DPP6: variants seen among roughly 807,000 people sequenced by gnomAD.
DPP6 encodes dipeptidyl peptidase like 6, also known as A-type potassium channel modulatory protein DPP6.
DPP6 carries 69 observed loss-of-function variants against 122.6 expected under a neutral mutation model. The ratio of observed to expected loss-of-function variants is 0.56; its 90% CI spans 0.46 to 0.69. The LOEUF (loss-of-function observed/expected upper bound fraction) is 0.69, where lower values mean the gene tolerates loss of function less well. DPP6 is among the 30% of genes least tolerant of loss of function. The pLI, the probability that DPP6 is intolerant of heterozygous loss-of-function variation, is 0.00. For synonymous variants in DPP6, 418 were observed against 433.1 expected, an observed-to-expected ratio of 0.97 and a Z score of 0.43; for missense variants, 928 against 1,116.9, an observed-to-expected ratio of 0.83 and a Z score of 2.41.
chr7:154,549,120 A>G lies in DPP6; in HGVS notation c.552+8494A>G, dbSNP rs547061834. ...AGTCTGTAGCACATGGAAAGGTGTC[A>G]ACCAAAATTAAAGCTACTGAAGCAG... On this transcript the variant is annotated intron_variant, in intron 4 of 25. Coordinates refer to ENST00000377770, the MANE Select transcript of DPP6 (RefSeq NM_130797.4). Among the ~76,000 whole-genome samples the G allele has an allele frequency of 5.3e-5, 8 of 152,314 alleles. No individual in the cohort carries two copies. The East Asian group carries it at 5.8e-4, about 11-fold the overall frequency.
At chr7:154,884,300 A>C (rs1374533272) in intron 21 of DPP6, 1 of 126,920 alleles carries the variant, frequency 7.9e-6, no homozygotes, top group Non-Finnish European at 1.6e-5. Flanking sequence ...ACATGATTAC[A>C]TACACCTACT....
intron 1 of DPP6, among the ~76,000 whole-genome samples, chr7:154,041,340 T>A (rs981931934): frequency 3.9e-5 from 6 of 152,204 alleles, no homozygotes; most frequent in African/African-American, 1.4e-4. Flanking sequence ...GAAGGCTTGA[T>A]GATTTTCTTT....
chr7:153,948,237 C>T (rs1297868397), intron 1 of DPP6, among the ~76,000 whole-genome samples: 2 of 152,116 alleles, frequency 1.3e-5, no homozygotes, highest in East Asian at 1.9e-4. Context: ...GGCCATATTG[C>T]TTTCTGTCAC....
chr7:154,198,286 C>T (rs1243281463), intron 1 of DPP6, among the ~76,000 whole-genome samples: 1 of 150,564 alleles, frequency 6.6e-6, no homozygotes, highest in Non-Finnish European at 1.5e-5. Flanking sequence ...AAGGGGCCCT[C>T]AGTGTAATTT....
intron 1 of DPP6, among the ~76,000 whole-genome samples, chr7:153,998,183 G>C (rs1441809998): frequency 2.0e-5 from 3 of 151,922 alleles, no homozygotes; most frequent in Non-Finnish European, 2.9e-5. Context: ...TCTCTAGATA[G>C]AAGGGAAAAA....
At chr7:154,410,558 T>C (rs768377468) in intron 1 of DPP6, among the ~76,000 whole-genome samples, 2 of 152,216 alleles carry the variant, frequency 1.3e-5, no homozygotes, top group Non-Finnish European at 2.9e-5. Flanking sequence ...GCAATACTTT[T>C]TTTCTACATT....
chr7:154,161,318 G>A (rs1219491529), intron 1 of DPP6, among the ~76,000 whole-genome samples: 1 of 152,180 alleles, frequency 6.6e-6, no homozygotes, highest in African/African-American at 2.4e-5. Flanking sequence ...CCAACATGGT[G>A]AAACCCTGTC....
Position 154,201,691 on chromosome 7 carries a change from A to G in DPP6, c.243+148628A>G, listed in dbSNP as rs114965226. ...GTAAGGTACAGCTGCAGATAGATCCATAGGAAACAGGGACTCCAAGAATAG... is the reference window on the plus strand; with the variant it reads ...GTAAGGTACAGCTGCAGATAGATCCGTAGGAAACAGGGACTCCAAGAATAG... On this transcript the variant is annotated intron_variant, in intron 1 of 25. Transcript: ENST00000377770. Among the ~76,000 whole-genome samples the G allele has an allele frequency of 3.3e-3, 503 of 152,262 alleles. 4 individuals carry two copies. The highest frequency in any genetic ancestry group is 0.011 in the African/African-American group (474 of 41,536).
Position 154,074,132 on chromosome 7 carries a change from T to TAGAGAG in DPP6, c.243+21070_243+21071insGAGAGA, listed in dbSNP as rs774836504. ...AGAGAGATATATATAGATATCTATA[T>TAGAGAG]ATATCTCTCTATATATGTATATAGA... On this transcript the variant is annotated intron_variant, in intron 1 of 25. Transcript: ENST00000377770. Among the ~76,000 whole-genome samples the TAGAGAG allele has an allele frequency of 8.4e-3, 988 of 117,818 alleles. 4 individuals are homozygous for TAGAGAG. The highest frequency in any genetic ancestry group is 0.012 in the East Asian group (45 of 3,810). 77.3% of individuals were successfully genotyped at this position (117,818 alleles called of 152,430 possible).
At chr7:154,502,442 G>A (rs2151415085) in intron 3 of DPP6, among the ~76,000 whole-genome samples, 1 of 152,262 alleles carries the variant, frequency 6.6e-6, no homozygotes, top group South Asian at 2.1e-4. Flanking sequence ...AGTGGGAGGT[G>A]ATGAATTATG....
At chr7:154,142,571 A>C (rs2150665136) in intron 1 of DPP6, among the ~76,000 whole-genome samples, 1 of 152,236 alleles carries the variant, frequency 6.6e-6, no homozygotes, top group Non-Finnish European at 1.5e-5. Flanking sequence ...TCATCAATAT[A>C]TTTTCAATGT....
intron 1 of DPP6, among the ~76,000 whole-genome samples, chr7:153,998,353 C>T (rs1163037530): frequency 1.3e-5 from 2 of 152,096 alleles, no homozygotes; most frequent in Non-Finnish European, 2.9e-5. Flanking sequence ...CGAATAAATC[C>T]TTGCTCTTCT....
chr7:154,884,795 ACACT>A (rs141824006), intron 21 of DPP6: 1,618 of 152,330 alleles, frequency 0.011, 22 homozygotes, highest in Admixed American at 0.014. Context: ...ACATATGCAC[ACACT>A]CTCACATGTA....
At chr7:154,643,259 T>G (rs1212126598) in intron 6 of DPP6, among the ~76,000 whole-genome samples, 1 of 152,112 alleles carries the variant, frequency 6.6e-6, no homozygotes, top group Non-Finnish European at 1.5e-5. Flanking sequence ...TATCATCTCA[T>G]TCTGACCTTC....
intron 1 of DPP6, among the ~76,000 whole-genome samples, chr7:154,022,180 T>C (rs1241606152): frequency 1.3e-5 from 2 of 152,116 alleles, no homozygotes; most frequent in African/African-American, 4.8e-5. Flanking sequence ...TCTACAAAGA[T>C]GCTAATTTCA....
intron 1 of DPP6, among the ~76,000 whole-genome samples, chr7:153,995,558 T>C (rs1283184774): frequency 1.7e-5 from 2 of 118,336 alleles, no homozygotes; most frequent in Non-Finnish European, 3.2e-5. Context: ...CACTGCAGTA[T>C]GGCCCAGGTG....
At chr7:154,073,368 C>T (rs2150512827) in intron 1 of DPP6, among the ~76,000 whole-genome samples, 1 of 152,340 alleles carries the variant, frequency 6.6e-6, no homozygotes, top group East Asian at 1.9e-4. Flanking sequence ...TGCTCTCTAC[C>T]AAGGATTTTC....
At chr7:154,872,536 C>T in intron 18 of DPP6, 88 bp from the exon 19 acceptor site, 1 of 1,516,076 alleles carries the variant, frequency 6.6e-7, no homozygotes. Flanking sequence ...CCCAGAGCAC[C>T]CTCACCCCCA....
chr7:154,723,776 A>G (rs766190114), intron 7 of DPP6, among the ~76,000 whole-genome samples: 1 of 152,204 alleles, frequency 6.6e-6, no homozygotes, highest in Non-Finnish European at 1.5e-5. Context: ...AGTCTCTTAA[A>G]TGACACTGCA....
Sources: allele counts gnomAD v4.1 joint callset (sites outside exome capture counted in the v4.1 genomes callset), GRCh38; gene constraint gnomAD v4.1.1; transcripts MANE v1.5; gene names NCBI Gene and HGNC (gene_info 2026-07-23, HGNC 2026-07-21).